The following NBEAL1 variants were observed in gnomAD, a reference collection of about 807,000 sequenced individuals.
The protein encoded by NBEAL1 is neurobeachin-like protein 1.
A neutral mutation model predicts 351.3 loss-of-function variants in NBEAL1; 273 were observed. The observed-to-expected ratio is 0.78, with a 90% CI of 0.70 to 0.86. NBEAL1 has a LOEUF of 0.86. Ranked by LOEUF, NBEAL1 falls within the 40% of genes least tolerant of loss-of-function variation. NBEAL1 has a pLI of 0.00. For synonymous variants in NBEAL1, 1,050 were observed against 1,086.4 expected, an observed-to-expected ratio of 0.97 and a Z score of 0.66; for missense variants, 2,961 against 3,201.3, an observed-to-expected ratio of 0.92 and a Z score of 1.81.
chr2:203,057,170 G>A (rs1012856581), intron 5 of NBEAL1, among the ~76,000 whole-genome samples, 156 bp from the exon 6 acceptor site: 6 of 151,960 alleles, frequency 3.9e-5, no homozygotes, highest in Non-Finnish European at 5.9e-5. Flanking sequence ...TAAAGCTATC[G>A]TAGGACATAT....
intron 24 of NBEAL1, among the ~76,000 whole-genome samples, chr2:203,130,095 G>A (rs529310280): frequency 1.6e-4 from 24 of 152,250 alleles, no homozygotes; most frequent in African/African-American, 5.1e-4. Flanking sequence ...CTGGGAAGTC[G>A]AGGCTGCAGT....
intron 7 of NBEAL1, among the ~76,000 whole-genome samples, chr2:203,069,116 G>T (rs1359784839): frequency 1.3e-5 from 2 of 152,172 alleles, no homozygotes; most frequent in East Asian, 3.8e-4. Context: ...ACTTATATAT[G>T]CCATCTTTCA....
chr2:203,083,496 G>T lies in NBEAL1; in HGVS notation c.962G>T (p.Arg321Leu), dbSNP rs761332715. 9.7e-6 allele frequency: 15 copies of T among 1,549,372 alleles called. No individual in the cohort carries two copies. The highest frequency in any genetic ancestry group is 3.3e-4 in the Middle Eastern group (2 of 5,994). Residue 321 changes from arginine (R) to leucine (L), a missense_variant, in exon 9 of 56, where the codon CGA becomes CTA. Transcript: ENST00000683969. ...AGGAGGTCCAGACAGTGGGAAAACCGATTTATTGCTCTACAGATCAAAATG... is the reference window on the plus strand; with the variant it reads ...AGGAGGTCCAGACAGTGGGAAAACCTATTTATTGCTCTACAGATCAAAATG... The part of the protein sequence containing the change: ...NQRRSRQWEN[R>L]FIALQIKMLN...
chr2:203,018,753 T>C (rs995869281), intron 2 of NBEAL1, among the ~76,000 whole-genome samples: 2 of 152,296 alleles, frequency 1.3e-5, no homozygotes, highest in East Asian at 3.9e-4. Context: ...AGTCACAGTT[T>C]ATGTATAACT....
In NBEAL1 at chr2:203,168,498, A is replaced by C. The variant is rs912914760; in HGVS notation, c.5997+1138A>C. Among the ~76,000 whole-genome samples the C allele has an allele frequency of 3.3e-5, 5 of 152,274 alleles. 1 individual carries two copies. In the South Asian group the frequency reaches 1.0e-3, roughly 32 times the overall value. On this transcript the variant is annotated intron_variant, in intron 38 of 55. Coordinates refer to ENST00000683969, the MANE Select transcript of NBEAL1 (RefSeq NM_001378026.1). Reference sequence around the variant, plus strand: ...CTTGGGAGGCTGAGGCAGGAGAATCACTTGAACCTGGGAGGCAGAGATTGC... The same window carrying C: ...CTTGGGAGGCTGAGGCAGGAGAATCCCTTGAACCTGGGAGGCAGAGATTGC...
intron 4 of NBEAL1, among the ~76,000 whole-genome samples, chr2:203,055,872 A>G (rs376993158): frequency 6.6e-6 from 1 of 152,356 alleles, no homozygotes; most frequent in East Asian, 1.9e-4. Flanking sequence ...TAAACAAAAT[A>G]TGATACTGTG....
chr2:203,019,523 A>G (rs760478044), intron 2 of NBEAL1, among the ~76,000 whole-genome samples: 2 of 152,190 alleles, frequency 1.3e-5, no homozygotes, highest in African/African-American at 4.8e-5. Flanking sequence ...TACACAAAAC[A>G]TTGTATACAT....
At chr2:203,147,109 C>T (rs868770055) in intron 33 of NBEAL1, among the ~76,000 whole-genome samples, 6 of 152,174 alleles carry the variant, frequency 3.9e-5, no homozygotes, top group African/African-American at 1.4e-4. Context: ...GGGAACTAGG[C>T]AGGGATATTC....
chr2:203,107,795 G>A lies in NBEAL1; in HGVS notation c.1556G>A (p.Gly519Glu). ...SRTTCVNANMGIRIIETLDLH... is the reference protein window; with the variant it reads ...SRTTCVNANMEIRIIETLDLH... The stretch of plus-strand genomic sequence containing the variant: ...ACTACTTGTGTCAATGCAAACATGG[G>A]GATTAGAATCATTGAAACCCTTGAC... The change falls in exon 14 of 56, where the codon GGG (glycine) becomes GAG (glutamate). Residue 519 changes from glycine to glutamate, a missense_variant. Gly to Glu is a moderately conservative substitution (Grantham distance 98). Transcript: ENST00000683969. The A allele has an allele frequency of 1.9e-6, 3 of 1,554,410 alleles. No homozygotes were observed. The highest frequency in any genetic ancestry group is 2.6e-6 in the Non-Finnish European group (3 of 1,147,752).
chr2:203,180,554 T>G (rs1575093704), intron 43 of NBEAL1, 42 bp downstream of exon 43: 3 of 1,542,534 alleles, frequency 1.9e-6, no homozygotes, highest in Non-Finnish European at 2.6e-6. Flanking sequence ...CAGGTCCCAA[T>G]GGAGGAGCCT....
rs772512975 is a variant in NBEAL1, at chr2:203,138,297, A to C, written c.4701A>C (p.Ser1567=). The change falls in exon 30 of 56, where the codon TCA becomes TCC. Residue 1567 remains serine, a synonymous_variant. Coordinates refer to ENST00000683969, the MANE Select transcript of NBEAL1 (RefSeq NM_001378026.1). ...TTCAGTCAGAGGGACTAGTTAATTC[A>C]AACATGTGGACCGAGAAGGTGCAGT... ...DFLQSEGLVN[S]NMWTEKLLED... The C allele has an allele frequency of 6.2e-7, 1 of 1,613,162 alleles. No homozygotes were observed. Among genetic ancestry groups the C allele is most frequent in the Non-Finnish European group, 8.5e-7 (1 of 1,179,798 alleles).
intron 3 of NBEAL1, among the ~76,000 whole-genome samples, chr2:203,043,694 A>G (rs1324142466): frequency 6.7e-6 from 1 of 150,246 alleles, no homozygotes; most frequent in Non-Finnish European, 1.5e-5. Context: ...GTGCCACTGC[A>G]CTCCAGCCTG....
intron 42 of NBEAL1, among the ~76,000 whole-genome samples, chr2:203,179,801 CAG>C (rs1559042349): frequency 2.0e-5 from 3 of 151,208 alleles, no homozygotes; most frequent in African/African-American, 7.3e-5. Context: ...TTTTTTGAGA[CAG>C]AGTCTTGCTC....
chr2:203,058,407 G>T (rs2061441572), intron 6 of NBEAL1, among the ~76,000 whole-genome samples: 1 of 152,144 alleles, frequency 6.6e-6, no homozygotes, highest in African/African-American at 2.4e-5. Context: ...ACAAAGCAAA[G>T]ATGGGACACT....
rs2065969002 is a variant in NBEAL1 at position 203,223,169 on chromosome 2, C to G, written c.*5815C>G. Among the ~76,000 whole-genome samples, 1 of 152,116 alleles carries G rather than the reference C, an allele frequency of 6.6e-6. No homozygotes were observed. Among genetic ancestry groups the G allele is most frequent in the African/African-American group, 2.4e-5 (1 of 41,448 alleles). ...ATTGCAGGATTTGGACCTGTAAAGC[C>G]AGTGGCTTTAGTGATAAGTAAAAGG... is the stretch of plus-strand genomic sequence containing the variant. On this transcript the variant is annotated 3_prime_UTR_variant, in exon 56 of 56. Coordinates refer to ENST00000683969, the MANE Select transcript of NBEAL1 (RefSeq NM_001378026.1).
At position 203,041,846 on chromosome 2, in the gene NBEAL1, C is replaced by G; in HGVS notation, c.133C>G (p.Leu45Val). 1 of 1,552,144 alleles carries G rather than the reference C, an allele frequency of 6.4e-7. No individual in the cohort carries two copies. Among genetic ancestry groups the G allele is most frequent in the South Asian group, 1.2e-5 (1 of 84,204 alleles). Residue 45 changes from leucine (L) to valine (V), a missense_variant, in exon 3 of 56, where the codon CTG becomes GTG. Coordinates refer to ENST00000683969, the MANE Select transcript of NBEAL1 (RefSeq NM_001378026.1). ...ATTTTTAGACGTTGACTTTGAAAAG[C>G]TGCCTACCAGGTATGTAGAAACGCT... ...EQFLDVDFEK[L>V]PTRVDDMPPG... is the part of the protein sequence containing the mutation.
rs1266522949 is a variant in NBEAL1 at position 203,172,028 on chromosome 2, G to A, written c.6198+5G>A. The stretch of plus-strand genomic sequence containing the variant: ...GACCTTGCACAGTATCCTGTGGTAA[G>A]TTTTGCATAAACCTTATAAATGTGG... On this transcript the variant is annotated splice_donor_5th_base_variant and intron_variant, in intron 40 of 55. Coordinates refer to ENST00000683969, the MANE Select transcript of NBEAL1 (RefSeq NM_001378026.1). 1 of 1,557,098 alleles carries A rather than the reference G, an allele frequency of 6.4e-7. No homozygotes were observed. The highest frequency in any genetic ancestry group is 1.9e-5 in the Admixed American group (1 of 51,434).
chr2:203,032,920 C>T (rs1047336275), intron 2 of NBEAL1, among the ~76,000 whole-genome samples: 4 of 151,740 alleles, frequency 2.6e-5, no homozygotes, highest in African/African-American at 9.7e-5. Flanking sequence ...CTACCTTGGC[C>T]TCCCAAAGTG....
intron 44 of NBEAL1, among the ~76,000 whole-genome samples, chr2:203,184,672 T>C (rs1394405983): frequency 1.3e-5 from 2 of 151,490 alleles, no homozygotes; most frequent in Admixed American, 6.6e-5. Flanking sequence ...ATTTATAAAA[T>C]AAGTATATAT....
Sources: gnomAD v4.1 joint callset for allele counts (sites outside exome capture counted in the v4.1 genomes callset) on GRCh38, gnomAD v4.1.1 for gene constraint, MANE v1.5 for transcripts, NCBI Gene and HGNC (gene_info 2026-07-23, HGNC 2026-07-21) for gene names.